DNM3: variants seen among roughly 807,000 people sequenced by gnomAD.
DNM3 encodes the protein dynamin-3.
Under a neutral mutation model 101.6 loss-of-function variants are expected in DNM3, and 47 were observed. That is an observed-to-expected ratio of 0.46 (90% confidence interval 0.37 to 0.59). The LOEUF (loss-of-function observed/expected upper bound fraction) is 0.59. Among genes scored for constraint, DNM3 ranks in the 20% least tolerant of loss-of-function variants. The pLI is 0.00. For synonymous variants in DNM3, 385 were observed against 387.9 expected (o/e 0.99, Z 0.09); for missense variants, 849 against 1,085.7 (o/e 0.78, Z 3.06).
chr1:172,244,868 G>A (rs944423702), intron 14 of DNM3, among the ~76,000 whole-genome samples: 1 of 152,146 alleles, frequency 6.6e-6, no homozygotes, highest in Non-Finnish European at 1.5e-5. Flanking sequence ...TATACCCAAA[G>A]GACTATAAAT....
chr1:172,063,885 T>C (rs2051447721), intron 10 of DNM3, among the ~76,000 whole-genome samples: 2 of 152,166 alleles, frequency 1.3e-5, no homozygotes, highest in Non-Finnish European at 2.9e-5. Flanking sequence ...TTCACTATTA[T>C]AATATAAGCA....
Position 172,412,168 on chromosome 1 carries a change from C to T in DNM3, c.*4327C>T. The T allele has an allele frequency of 3.0e-6, 3 of 985,750 alleles. No individual in the cohort carries two copies. Among genetic ancestry groups the T allele is most frequent in the Non-Finnish European group, 2.4e-6 (2 of 829,888 alleles). 61.1% of individuals were successfully genotyped at this position (985,750 alleles called of 1,614,324 possible). ...ATACTGGTATATTGGTGAGACTTCT[C>T]ACTTCTGGTTGGAGGTTTCACATAT... On this transcript the variant is annotated 3_prime_UTR_variant, in exon 21 of 21. Transcript: ENST00000627582.
At chr1:172,344,390 A>C (rs2066836685) in intron 17 of DNM3, among the ~76,000 whole-genome samples, 1 of 152,152 alleles carries the variant, frequency 6.6e-6, no homozygotes, top group Non-Finnish European at 1.5e-5. Flanking sequence ...AGAGGCTGTA[A>C]TTATTTCCCT....
At chr1:171,938,322 C>T (rs2041588962) in intron 2 of DNM3, among the ~76,000 whole-genome samples, 2 of 152,036 alleles carry the variant, frequency 1.3e-5, no homozygotes, top group African/African-American at 4.8e-5. Flanking sequence ...GAGATAAAAA[C>T]TATCCTACTG....
intron 15 of DNM3, among the ~76,000 whole-genome samples, chr1:172,260,811 G>A (rs2062613907): frequency 6.6e-6 from 1 of 151,920 alleles, no homozygotes; most frequent in South Asian, 2.1e-4. Context: ...GATATGTACA[G>A]TTGTTCAGCC....
At chr1:172,182,015 T>A (rs1238003302) in intron 14 of DNM3, among the ~76,000 whole-genome samples, 1 of 152,064 alleles carries the variant, frequency 6.6e-6, no homozygotes, top group East Asian at 1.9e-4. Flanking sequence ...TATTTAAAGA[T>A]AATATGTAAG....
intron 17 of DNM3, among the ~76,000 whole-genome samples, chr1:172,375,606 A>T (rs1290546989): frequency 6.6e-6 from 1 of 152,130 alleles, no homozygotes; most frequent in Non-Finnish European, 1.5e-5. Flanking sequence ...AAAAGACAAA[A>T]ACAAAACACC....
chr1:172,232,526 C>T (rs1474675434), intron 14 of DNM3, among the ~76,000 whole-genome samples: 3 of 152,184 alleles, frequency 2.0e-5, no homozygotes, highest in African/African-American at 7.2e-5. Flanking sequence ...CTCCGCTCTG[C>T]ACCAAGCAGA....
chr1:172,065,547 G>A (rs1425347792), intron 10 of DNM3, among the ~76,000 whole-genome samples: 1 of 152,194 alleles, frequency 6.6e-6, no homozygotes, highest in African/African-American at 2.4e-5. Flanking sequence ...GACTTTCAGA[G>A]AGTCAAGAGG....
At chr1:172,340,779 T>A (rs571125774) in intron 17 of DNM3, among the ~76,000 whole-genome samples, 1 of 152,278 alleles carries the variant, frequency 6.6e-6, no homozygotes, top group African/African-American at 2.4e-5. Context: ...CTCTTCCTAT[T>A]TGGATATCTT....
intron 10 of DNM3, among the ~76,000 whole-genome samples, chr1:172,065,178 G>A (rs2051555332): frequency 6.6e-6 from 1 of 152,178 alleles, no homozygotes; most frequent in Non-Finnish European, 1.5e-5. Context: ...GCTATCAAGT[G>A]TTTAGTATCT....
At chr1:172,272,011 C>G (rs539940188) in intron 15 of DNM3, among the ~76,000 whole-genome samples, 40 of 152,138 alleles carry the variant, frequency 2.6e-4, no homozygotes, top group Non-Finnish European at 5.4e-4. Context: ...AGTTGTTTTC[C>G]TTTAAATGAC....
chr1:171,970,282 T>G (rs2043897940), intron 2 of DNM3: 1 of 325,716 alleles, frequency 3.1e-6, no homozygotes, highest in Admixed American at 6.5e-5. Context: ...AAGGGTAACA[T>G]TTTTGGGAAA....
At chr1:172,354,575 T>G (rs2067357549) in intron 17 of DNM3, among the ~76,000 whole-genome samples, 1 of 152,172 alleles carries the variant, frequency 6.6e-6, no homozygotes, top group Non-Finnish European at 1.5e-5. Flanking sequence ...CAAAGACATG[T>G]AGAGTTTGAT....
At chr1:172,005,354 T>C (rs2046618092) in intron 4 of DNM3, among the ~76,000 whole-genome samples, 1 of 152,082 alleles carries the variant, frequency 6.6e-6, no homozygotes, top group Non-Finnish European at 1.5e-5. Flanking sequence ...GATTTCAGAC[T>C]TATAAAATTA....
chr1:171,993,672 C>G (rs1428020302), intron 4 of DNM3, among the ~76,000 whole-genome samples: 18 of 151,854 alleles, frequency 1.2e-4, no homozygotes. Flanking sequence ...CTTTCTTCCT[C>G]TTTCTCTCCT....
At chr1:171,982,373 A>G (rs770542013) in intron 2 of DNM3, among the ~76,000 whole-genome samples, 6 of 152,196 alleles carry the variant, frequency 3.9e-5, no homozygotes, top group Non-Finnish European at 5.9e-5. Context: ...ACACAGATCT[A>G]TGAGTCTCTG....
intron 14 of DNM3, among the ~76,000 whole-genome samples, chr1:172,145,733 A>T (rs1447957589): frequency 1.3e-5 from 2 of 152,184 alleles, no homozygotes; most frequent in Non-Finnish European, 2.9e-5. Flanking sequence ...TGGTAGATCC[A>T]TGCTGTTAGG....
At chr1:172,260,611 A>C (rs1342219428) in intron 15 of DNM3, among the ~76,000 whole-genome samples, 3 of 151,974 alleles carry the variant, frequency 2.0e-5, no homozygotes, top group Non-Finnish European at 4.4e-5. Flanking sequence ...TTACTGTTGA[A>C]GGTTTTGAAT....
Sources: allele counts gnomAD v4.1 joint callset (sites outside exome capture counted in the v4.1 genomes callset), GRCh38; gene constraint gnomAD v4.1.1; transcripts MANE v1.5; gene names NCBI Gene and HGNC (gene_info 2026-07-23, HGNC 2026-07-21).